Variants in NLGN1 observed in about 807,000 individuals in gnomAD.
NLGN1 encodes neuroligin 1.
Under a neutral mutation model 65.5 loss-of-function variants are expected in NLGN1, and 12 were observed. The observed-to-expected ratio is 0.18, with a 90% confidence interval of 0.12 to 0.30. The LOEUF (loss-of-function observed/expected upper bound fraction) is 0.30, where lower values mean the gene tolerates loss of function less well. NLGN1 is among the 10% of genes least tolerant of loss of function. The probability of loss-of-function intolerance (pLI) is 1.00; values close to 1 mark genes in which losing one functional copy is unlikely to be tolerated. For synonymous variants in NLGN1, 350 were observed against 359.5 expected, an observed-to-expected ratio of 0.97 and a Z score of 0.30; for missense variants, 750 against 1,007.1, an observed-to-expected ratio of 0.74 and a Z score of 3.46.
At chr3:173,737,366 C>T (rs953815096) in intron 3 of NLGN1, among the ~76,000 whole-genome samples, 6 of 151,992 alleles carry the variant, frequency 3.9e-5, no homozygotes, top group Non-Finnish European at 7.4e-5. Flanking sequence ...TTGAAACCAT[C>T]ACCACAATTT....
At chr3:174,005,497 A>G (rs1009482763) in intron 4 of NLGN1, among the ~76,000 whole-genome samples, 1 of 152,170 alleles carries the variant, frequency 6.6e-6, no homozygotes, top group East Asian at 1.9e-4. Flanking sequence ...AATCCCTGCT[A>G]TTGTTAAGTT....
At chr3:173,878,106 A>G (rs563938771) in intron 4 of NLGN1, among the ~76,000 whole-genome samples, 45 of 152,146 alleles carry the variant, frequency 3.0e-4, no homozygotes, top group Admixed American at 6.5e-4. Context: ...CAATGGTGCA[A>G]TCTCAGCTCA....
chr3:174,076,712 AGAGAGAGAGAGAGTGTGT>A (rs1402200185), intron 4 of NLGN1, among the ~76,000 whole-genome samples: 53 of 137,448 alleles, frequency 3.9e-4, no homozygotes, highest in Middle Eastern at 3.6e-3. Flanking sequence ...AGAGAGAGAG[AGAGAGAGAGAGAGTGTGT>A]GTGTGTGTGT....
At chr3:174,190,731 T>C (rs1168770528) in intron 4 of NLGN1, among the ~76,000 whole-genome samples, 2 of 152,138 alleles carry the variant, frequency 1.3e-5, no homozygotes, top group Non-Finnish European at 1.5e-5. Context: ...CATTATTTAC[T>C]TATTAGCTGT....
At chr3:173,553,995 A>G (rs932560430) in intron 2 of NLGN1, among the ~76,000 whole-genome samples, 1 of 152,238 alleles carries the variant, frequency 6.6e-6, no homozygotes, top group Admixed American at 6.5e-5. Context: ...AAGATGGCTT[A>G]TGAGAACTGC....
At chr3:173,857,032 A>G (rs1362984919) in intron 4 of NLGN1, among the ~76,000 whole-genome samples, 2 of 151,922 alleles carry the variant, frequency 1.3e-5, no homozygotes, top group African/African-American at 4.8e-5. Flanking sequence ...AAAAAAAAAA[A>G]AAGAGGCATG....
intron 4 of NLGN1, among the ~76,000 whole-genome samples, chr3:174,272,657 GGATGGATGGATAGATA>G (rs200915054): frequency 0.019 from 2,282 of 119,932 alleles, 31 homozygotes; most frequent in East Asian, 0.054. Context: ...ATGGATGGAT[GGATGGATGGATAGATA>G]GATAGATAGA....
At chr3:173,661,726 C>T (rs1333757025) in intron 3 of NLGN1, among the ~76,000 whole-genome samples, 1 of 151,956 alleles carries the variant, frequency 6.6e-6, no homozygotes, top group East Asian at 1.9e-4. Flanking sequence ...TAACTATAAA[C>T]AATATGGAAT....
chr3:173,759,561 A>G (rs1411399826), intron 3 of NLGN1, among the ~76,000 whole-genome samples: 3 of 151,930 alleles, frequency 2.0e-5, no homozygotes, highest in African/African-American at 7.2e-5. Flanking sequence ...AGAGTACTCT[A>G]TTACATGGAG....
At chr3:174,224,146 A>G (rs1739166071) in intron 4 of NLGN1, among the ~76,000 whole-genome samples, 1 of 152,186 alleles carries the variant, frequency 6.6e-6, no homozygotes, top group African/African-American at 2.4e-5. Context: ...TTCTCGTTCC[A>G]TAGAGCAACC....
chr3:174,188,379 C>T (rs181072873), intron 4 of NLGN1, among the ~76,000 whole-genome samples: 1 of 152,034 alleles, frequency 6.6e-6, no homozygotes, highest in East Asian at 1.9e-4. Flanking sequence ...ACATTGATGA[C>T]AAAACCAGGA....
At chr3:174,222,434 G>A (rs538038294) in intron 4 of NLGN1, among the ~76,000 whole-genome samples, 1 of 152,056 alleles carries the variant, frequency 6.6e-6, no homozygotes, top group Non-Finnish European at 1.5e-5. Flanking sequence ...GAAACTAAAC[G>A]TAAGTTTTCC....
intron 4 of NLGN1, among the ~76,000 whole-genome samples, chr3:174,105,591 TTTAAC>T (rs1713551853): frequency 6.7e-6 from 1 of 148,316 alleles, no homozygotes; most frequent in Non-Finnish European, 1.5e-5. Context: ...GAATTTTTCT[TTTAAC>T]TTAAATCAGT....
At chr3:174,205,523 C>A (rs960928030) in intron 4 of NLGN1, among the ~76,000 whole-genome samples, 1 of 151,884 alleles carries the variant, frequency 6.6e-6, no homozygotes. Flanking sequence ...GTTTTCAACT[C>A]CTCAGGACTT....
intron 3 of NLGN1, among the ~76,000 whole-genome samples, chr3:173,708,452 T>C (rs558388859): frequency 1.3e-5 from 2 of 152,310 alleles, no homozygotes; most frequent in South Asian, 4.2e-4. Flanking sequence ...CAAAAGTCTG[T>C]GTCTGAGCCA....
At chr3:173,800,329 A>G (rs1293590223) in intron 3 of NLGN1, 12 of 1,218,376 alleles carry the variant, frequency 9.8e-6, no homozygotes, top group Non-Finnish European at 1.3e-5. Flanking sequence ...GATTTAGGTG[A>G]TAATGACGGT....
chr3:173,610,117 C>T (rs560887927), intron 3 of NLGN1, among the ~76,000 whole-genome samples: 3 of 151,912 alleles, frequency 2.0e-5, no homozygotes, highest in East Asian at 2.0e-4. Flanking sequence ...GGTCATGGTC[C>T]AGGCTCAAAC....
At chr3:173,727,465 C>T (rs1034471019) in intron 3 of NLGN1, among the ~76,000 whole-genome samples, 1 of 152,138 alleles carries the variant, frequency 6.6e-6, no homozygotes, top group African/African-American at 2.4e-5. Context: ...CACTGACGTG[C>T]TAGAGTTGTA....
intron 4 of NLGN1, among the ~76,000 whole-genome samples, chr3:173,940,981 TAAAG>T (rs1357070017): frequency 6.6e-6 from 1 of 152,160 alleles, no homozygotes. Context: ...TTTCCATAAT[TAAAG>T]AAAGAAAAGT....
Sources: gnomAD v4.1 joint callset for allele counts (sites outside exome capture counted in the v4.1 genomes callset) on GRCh38, gnomAD v4.1.1 for gene constraint, MANE v1.5 for transcripts, NCBI Gene and HGNC (gene_info 2026-07-23, HGNC 2026-07-21) for gene names.